Variants in CRYL1 observed in about 807,000 individuals in gnomAD.
CRYL1 encodes the protein crystallin lambda 1, also known as lambda-crystallin homolog.
Under a neutral mutation model 36.6 loss-of-function variants are expected in CRYL1, and 29 were observed. The observed-to-expected ratio is 0.79, with a 90% CI of 0.59 to 1.08. The LOEUF is 1.08. Ranked by LOEUF, CRYL1 falls within the 50% of genes least tolerant of loss-of-function variation. The probability of loss-of-function intolerance (pLI) is 0.00; values close to 1 mark genes in which losing one functional copy is unlikely to be tolerated. For synonymous variants in CRYL1, 152 were observed against 151.5 expected, an observed-to-expected ratio of 1.00 and a Z score of -0.02; for missense variants, 411 against 407.9, an observed-to-expected ratio of 1.01 and a Z score of -0.06.
chr13:20,477,243 G>A (rs1043698757), intron 3 of CRYL1, among the ~76,000 whole-genome samples: 5 of 152,256 alleles, frequency 3.3e-5, no homozygotes, highest in African/African-American at 9.6e-5. Flanking sequence ...TGGGAGGATC[G>A]CTTGAGCCCA....
intron 3 of CRYL1, among the ~76,000 whole-genome samples, chr13:20,469,665 C>G (rs4238155): frequency 0.83 from 126,459 of 152,218 alleles, 52,702 homozygotes; most frequent in Admixed American, 0.87. Context: ...AAGCAAGATG[C>G]CTGTATGACC....
At chr13:20,478,866 C>A (rs1167761364) in intron 3 of CRYL1, among the ~76,000 whole-genome samples, 2 of 152,084 alleles carry the variant, frequency 1.3e-5, no homozygotes, top group Admixed American at 1.3e-4. Flanking sequence ...GATTCCCCTG[C>A]CTCAGCCTCC....
At chr13:20,459,942 T>C (rs917951604) in intron 3 of CRYL1, among the ~76,000 whole-genome samples, 12 of 152,234 alleles carry the variant, frequency 7.9e-5, no homozygotes, top group Non-Finnish European at 1.3e-4. Flanking sequence ...GTCTGTCTGC[T>C]TTCCTCCTGC....
At chr13:20,424,278 C>A (rs930171254) in intron 5 of CRYL1, among the ~76,000 whole-genome samples, 2 of 152,222 alleles carry the variant, frequency 1.3e-5, no homozygotes, top group Non-Finnish European at 2.9e-5. Flanking sequence ...AACGACCCTG[C>A]AGTCCCAACA....
chr13:20,430,607 G>T, intron 5 of CRYL1: 2 of 985,358 alleles, frequency 2.0e-6, no homozygotes, highest in Non-Finnish European at 2.4e-6. Flanking sequence ...CATGGCTCTT[G>T]CAATGGAGAG....
chr13:20,425,191 G>A lies in CRYL1; in HGVS notation c.633+6911C>T, dbSNP rs1213630212. ...CCAGAAAAGCTGCCAGCAGGACCCC[G>A]TCTCCTGTTGGCGGTGGCTCCGCAC... is the stretch of plus-strand genomic sequence containing the variant. On this transcript the variant is annotated intron_variant, in intron 5 of 7. Coordinates refer to ENST00000298248, the MANE Select transcript of CRYL1 (RefSeq NM_015974.3). This position sits in a 1 kb window ranked among gnomAD's most constrained non-coding sequence, Gnocchi z 4.4. Among the ~76,000 whole-genome samples, 6 of 152,134 alleles carry A rather than the reference G, an allele frequency of 3.9e-5. No individual in the cohort carries two copies. In the East Asian group the frequency reaches 5.8e-4, roughly 15 times the overall value.
rs772815141 is a variant in CRYL1, at chr13:20,511,031, G to T, written c.149+1412C>A. Among the ~76,000 whole-genome samples the T allele has an allele frequency of 1.8e-3, 278 of 152,206 alleles. 2 individuals carry two copies. Among genetic ancestry groups the T allele is most frequent in the Non-Finnish European group, 2.9e-3 (197 of 68,004 alleles). ...TTCCAAAACAGTACAGTCTATGTGA[G>T]TGGTTTTTCGGTGTTGTTTTACTTT... is the stretch of plus-strand genomic sequence containing the variant. On this transcript the variant is annotated intron_variant, in intron 2 of 7. Transcript: ENST00000298248.
At chr13:20,503,936 TTTA>T (rs2033747462) in intron 2 of CRYL1, among the ~76,000 whole-genome samples, 1 of 152,100 alleles carries the variant, frequency 6.6e-6, no homozygotes, top group African/African-American at 2.4e-5. Flanking sequence ...CTGCTGGTGG[TTTA>T]TTAACTCCTA....
chr13:20,476,468 C>G (rs2033169630), intron 3 of CRYL1, among the ~76,000 whole-genome samples: 1 of 152,048 alleles, frequency 6.6e-6, no homozygotes, highest in Non-Finnish European at 1.5e-5. Flanking sequence ...TTGAAAGAAA[C>G]CTTTTGATTT....
chr13:20,430,043 A>T (rs1039383534), intron 5 of CRYL1, among the ~76,000 whole-genome samples: 1 of 151,842 alleles, frequency 6.6e-6, no homozygotes, highest in African/African-American at 2.4e-5. Context: ...GCCCTGCCCC[A>T]TAACTAAAGC....
rs2032295048 is a variant in CRYL1, at chr13:20,439,104, A to G, written c.438+489T>C. On this transcript the variant is annotated intron_variant, in intron 4 of 7. Transcript: ENST00000298248. ...CAGAATCTCAGGAGCAGGACCCAGA[A>G]TCTGCATTTTAACAAAACCAACCCT... 2.0e-5 allele frequency among the ~76,000 whole-genome samples: 3 copies of G among 152,336 alleles called. No homozygotes were observed. In the South Asian group the frequency reaches 6.2e-4, roughly 32 times the overall value.
intron 6 of CRYL1, among the ~76,000 whole-genome samples, chr13:20,405,005 C>A (rs961170600): frequency 6.6e-6 from 1 of 152,188 alleles, no homozygotes; most frequent in Non-Finnish European, 1.5e-5. Context: ...CCCGGTAGCT[C>A]ATGCCTGTAA....
At chr13:20,493,529 A>C (rs2033550873) in intron 2 of CRYL1, among the ~76,000 whole-genome samples, 1 of 152,176 alleles carries the variant, frequency 6.6e-6, no homozygotes, top group Non-Finnish European at 1.5e-5. Flanking sequence ...GTGAGGCTGC[A>C]CATCCCTGTA....
intron 3 of CRYL1, among the ~76,000 whole-genome samples, chr13:20,469,032 G>A (rs1565974722): frequency 6.6e-6 from 1 of 152,174 alleles, no homozygotes; most frequent in Non-Finnish European, 1.5e-5. Flanking sequence ...TCCCCTGGAC[G>A]GCATCCCTGT....
intron 5 of CRYL1, chr13:20,427,236 A>G: frequency 3.0e-6 from 3 of 985,446 alleles, no homozygotes; most frequent in Non-Finnish European, 3.6e-6. Context: ...GTGTCAGTAG[A>G]TTGTGGCCAG....
rs1376860585 is a variant in CRYL1, at chr13:20,459,542, C to T, written c.277-19788G>A. On this transcript the variant is annotated intron_variant, in intron 3 of 7. Transcript: ENST00000298248. ...CCATAAAAAAGAATGAGATTATGTC[C>T]TTTATAGCAATATGGATGGAGCTGG... Among the ~76,000 whole-genome samples, 3 of 152,266 alleles carry T rather than the reference C, an allele frequency of 2.0e-5. No homozygotes were observed. In the East Asian group the frequency reaches 5.8e-4, roughly 29 times the overall value.
intron 5 of CRYL1, chr13:20,431,549 G>T: frequency 9.9e-7 from 1 of 1,009,458 alleles, no homozygotes; most frequent in Non-Finnish European, 1.2e-6. Context: ...GTGCAGCCAG[G>T]CCATTTCTTC....
At chr13:20,517,888 A>T (rs1286928807) in intron 1 of CRYL1, among the ~76,000 whole-genome samples, 1 of 144,536 alleles carries the variant, frequency 6.9e-6, no homozygotes, top group East Asian at 2.1e-4. Flanking sequence ...GTGAGCCGAG[A>T]TCACACCACT....
chr13:20,408,143 C>T (rs2031424279), intron 6 of CRYL1, among the ~76,000 whole-genome samples: 1 of 152,200 alleles, frequency 6.6e-6, no homozygotes, highest in Non-Finnish European at 1.5e-5. Context: ...CTCATTCCTA[C>T]TCTCAGGATC....
Sources: gnomAD v4.1 joint callset for allele counts (sites outside exome capture counted in the v4.1 genomes callset) on GRCh38, gnomAD v4.1.1 for gene constraint, Gnocchi (gnomAD v3.1) non-coding constraint, MANE v1.5 for transcripts, NCBI Gene and HGNC (gene_info 2026-07-23, HGNC 2026-07-21) for gene names.